Variants in DSC3 observed in about 807,000 individuals in gnomAD.
DSC3 encodes desmocollin 3.
DSC3 carries 97 observed loss-of-function variants against 89.5 expected under a neutral mutation model. That is an observed-to-expected ratio of 1.08 (90% CI 0.92 to 1.28). The LOEUF is 1.28. DSC3 is among the 50% of genes most tolerant of loss of function. The probability of loss-of-function intolerance (pLI) is 0.00; values close to 1 mark genes in which losing one functional copy is unlikely to be tolerated. For missense variants in DSC3, 1,199 were observed against 1,085.3 expected (o/e 1.10, Z -1.47); for synonymous variants, 436 against 384.1 (o/e 1.14, Z -1.58).
chr18:30,999,491 A>G (rs917180488), intron 14 of DSC3, among the ~76,000 whole-genome samples: 5 of 152,032 alleles, frequency 3.3e-5, no homozygotes, highest in African/African-American at 4.8e-5. Flanking sequence ...TCTTGATGGT[A>G]TAATTTCGTT....
chr18:30,994,401 A>G (rs774217291), intron 15 of DSC3, 29 bp from the exon 16 acceptor site: 14 of 1,606,654 alleles, frequency 8.7e-6, no homozygotes, highest in Non-Finnish European at 9.4e-6. Flanking sequence ...AATGAATTGC[A>G]TTATAGTTTT....
intron 12 of DSC3, 106 bp from the exon 13 acceptor site, chr18:31,004,472 T>G: frequency 1.0e-6 from 1 of 970,070 alleles, no homozygotes; most frequent in Non-Finnish European, 1.5e-6. Flanking sequence ...AGGAACTGCC[T>G]GCCAGATGAA....
intron 1 of DSC3, among the ~76,000 whole-genome samples, chr18:31,041,884 C>T (rs910030407): frequency 1.3e-5 from 2 of 152,082 alleles, no homozygotes; most frequent in Non-Finnish European, 2.9e-5. Context: ...CCACTGTCAC[C>T]CTCTACCCGC....
At chr18:31,032,149 T>C in intron 2 of DSC3, 43 bp downstream of exon 2, 3 of 1,397,718 alleles carry the variant, frequency 2.1e-6, no homozygotes, top group Non-Finnish European at 3.1e-6. Flanking sequence ...CCAGCCTATG[T>C]AAACTAAATT....
chr18:31,029,675 G>A, intron 3 of DSC3, 47 bp from the exon 4 acceptor site: 2 of 1,610,962 alleles, frequency 1.2e-6, no homozygotes, highest in Non-Finnish European at 1.7e-6. Context: ...AAGCATCACA[G>A]TCTACTTTGT....
Position 31,024,369 on chromosome 18 carries a change from A to G in DSC3, c.755T>C (p.Val252Ala), listed in dbSNP as rs1467961919. Residue 252 changes from valine to alanine, a missense_variant, in exon 6 of 16, where the codon GTT (valine) becomes GCT (alanine). Transcript: ENST00000360428. ...VFTEAIYNFE[V>A]LESSRPGTTV... ...CTTACCAGGTCTACTACTTTCCAAA[A>G]CTTCAAAATTATAAATTGCTTCTGT... is the stretch of plus-strand genomic sequence containing the variant. 2.5e-6 allele frequency: 4 copies of G among 1,605,660 alleles called. No homozygotes were observed. The highest frequency in any genetic ancestry group is 3.4e-5 in the Admixed American group (2 of 59,120).
At chr18:31,036,567 T>A (rs1335400525) in intron 1 of DSC3, among the ~76,000 whole-genome samples, 2 of 152,090 alleles carry the variant, frequency 1.3e-5, no homozygotes, top group East Asian at 1.9e-4. Context: ...CTCAATCTTT[T>A]TTTTTAAAGT....
At chr18:31,040,755 A>T (rs276927) in intron 1 of DSC3, among the ~76,000 whole-genome samples, 58,937 of 152,044 alleles carry the variant, frequency 0.39, 12,007 homozygotes, top group East Asian at 0.7. Flanking sequence ...TAAAGTCTCT[A>T]TAAAATGAAA....
At chr18:31,034,399 G>A (rs893520256) in intron 1 of DSC3, among the ~76,000 whole-genome samples, 8 of 152,174 alleles carry the variant, frequency 5.3e-5, no homozygotes, top group African/African-American at 1.9e-4. Context: ...TGGTGAGGAT[G>A]TCGAGAAACT....
At chr18:31,017,652 T>C (rs139081318) in intron 9 of DSC3, among the ~76,000 whole-genome samples, 84 of 152,298 alleles carry the variant, frequency 5.5e-4, no homozygotes, top group Middle Eastern at 6.8e-3. Flanking sequence ...ATTGAGAATA[T>C]TTATCTTACA....
chr18:30,994,428 T>C, intron 15 of DSC3, 56 bp from the exon 16 acceptor site: 1 of 1,590,134 alleles, frequency 6.3e-7, no homozygotes, highest in Non-Finnish European at 8.6e-7. Flanking sequence ...CTTAAATATA[T>C]GAACATAAAA....
rs372945769 is a variant in DSC3, at chr18:31,022,372, G to A, written c.906C>T (p.Gly302=). ...PGLFSVHPST[G]VITTVSHYLD... The stretch of plus-strand genomic sequence containing the variant: ...AATAATGAGAGACTGTGGTGATTAC[G>A]CCTGTGCTGGGATGCACAGAAAAGA... Residue 302 remains glycine, a synonymous_variant, in exon 7 of 16, where the codon GGC becomes GGT. Transcript: ENST00000360428. 157 of 1,613,994 alleles carry A rather than the reference G, an allele frequency of 9.7e-5. 2 individuals are homozygous for A. The South Asian group carries it at 1.4e-3, about 14-fold the overall frequency.
At chr18:31,012,705 T>TG (rs968188715) in intron 9 of DSC3, among the ~76,000 whole-genome samples, 1 of 151,950 alleles carries the variant, frequency 6.6e-6, no homozygotes, top group African/African-American at 2.4e-5. Context: ...GTTTCAGAGA[T>TG]GGAAAAAAAG....
At chr18:31,036,295 T>C (rs968519694) in intron 1 of DSC3, among the ~76,000 whole-genome samples, 1 of 152,220 alleles carries the variant, frequency 6.6e-6, no homozygotes, top group African/African-American at 2.4e-5. Flanking sequence ...ATTTTATTTA[T>C]TTGTTGTGAG....
intron 9 of DSC3, among the ~76,000 whole-genome samples, chr18:31,014,608 G>T (rs952358106): frequency 1.3e-5 from 2 of 152,058 alleles, no homozygotes; most frequent in Non-Finnish European, 2.9e-5. Context: ...AGATACTATA[G>T]GTTAAGCACT....
At chr18:31,030,506 A>G (rs1374356432) in intron 3 of DSC3, among the ~76,000 whole-genome samples, 2 of 152,174 alleles carry the variant, frequency 1.3e-5, no homozygotes, top group Non-Finnish European at 2.9e-5. Flanking sequence ...TCTGAGTTCT[A>G]TAATAGAGGG....
chr18:31,036,347 G>A (rs1455916582), intron 1 of DSC3, among the ~76,000 whole-genome samples: 3 of 152,020 alleles, frequency 2.0e-5, no homozygotes, highest in Non-Finnish European at 4.4e-5. Flanking sequence ...TTTATCTTCT[G>A]TAAATCATCT....
chr18:31,030,062 C>T (rs1239428923), intron 3 of DSC3, among the ~76,000 whole-genome samples: 2 of 152,172 alleles, frequency 1.3e-5, no homozygotes, highest in Non-Finnish European at 2.9e-5. Context: ...TCTATTTACA[C>T]AGTCTGATAT....
At chr18:31,014,454 T>C (rs889750972) in intron 9 of DSC3, among the ~76,000 whole-genome samples, 35 of 152,230 alleles carry the variant, frequency 2.3e-4, no homozygotes, top group Admixed American at 1.7e-3. Context: ...TTTTACACCA[T>C]GTTTTTTGTT....
Sources: gnomAD v4.1 joint callset for allele counts (sites outside exome capture counted in the v4.1 genomes callset) on GRCh38, gnomAD v4.1.1 for gene constraint, MANE v1.5 for transcripts, NCBI Gene and HGNC (gene_info 2026-07-23, HGNC 2026-07-21) for gene names.